The following SOX5 variants were observed in gnomAD, a reference collection of about 807,000 sequenced individuals.
SOX5 encodes the protein SRY-box transcription factor 5.
SOX5 carries 9 observed loss-of-function variants against 92.0 expected under a neutral mutation model. That is an observed-to-expected ratio of 0.10 (90% CI 0.06 to 0.17). SOX5 has a LOEUF of 0.17. SOX5 is among the 10% of genes least tolerant of loss of function. The pLI, the probability that SOX5 is intolerant of heterozygous loss-of-function variation, is 1.00. For synonymous variants in SOX5, 344 were observed against 336.3 expected (o/e 1.02, Z -0.25); for missense variants, 642 against 944.5 (o/e 0.68, Z 4.20).
chr12:24,518,831 T>G (rs1439697239), intron 1 of SOX5, among the ~76,000 whole-genome samples: 1 of 152,228 alleles, frequency 6.6e-6, no homozygotes, highest in Non-Finnish European at 1.5e-5. Flanking sequence ...ACCTGTAGGC[T>G]TTAAAAATCA....
intron 2 of SOX5, among the ~76,000 whole-genome samples, chr12:23,884,498 A>T (rs879685160): frequency 2.0e-5 from 3 of 152,222 alleles, no homozygotes; most frequent in Non-Finnish European, 2.9e-5. Context: ...CCAGCTAAAA[A>T]GATTTTAAAA....
intron 3 of SOX5, among the ~76,000 whole-genome samples, chr12:24,225,898 G>A (rs1339851931): frequency 6.6e-6 from 1 of 152,172 alleles, no homozygotes; most frequent in African/African-American, 2.4e-5. Context: ...GATGGTAGGA[G>A]AAAAGGAGAA....
intron 4 of SOX5, among the ~76,000 whole-genome samples, chr12:24,079,123 A>G (rs76481777): frequency 0.037 from 5,626 of 151,900 alleles, 136 homozygotes; most frequent in Admixed American, 0.057. Flanking sequence ...AAAATGATGA[A>G]AAGACATGGC....
chr12:24,530,697 T>C (rs1374320221), intron 1 of SOX5, among the ~76,000 whole-genome samples: 2 of 145,282 alleles, frequency 1.4e-5, no homozygotes, highest in Non-Finnish European at 1.5e-5. Flanking sequence ...TCGTATCTAA[T>C]ATGCAACTGC....
Position 23,543,421 on chromosome 12 carries a change from A to G in SOX5, c.1598-37T>C, listed in dbSNP as rs747041987. The G allele has an allele frequency of 7.1e-6, 11 of 1,548,410 alleles. No homozygotes were observed. The East Asian group carries it at 9.0e-5, about 13-fold the overall frequency. On this transcript the variant is annotated intron_variant, in intron 12 of 14. Coordinates refer to ENST00000451604, the MANE Select transcript of SOX5 (RefSeq NM_006940.6). ...AAACATCACTTCGTGTTAGCGTTAAAACTTTTGTCAGCTCTTTTCCTTGCA... is the reference window on the plus strand; with the variant it reads ...AAACATCACTTCGTGTTAGCGTTAAGACTTTTGTCAGCTCTTTTCCTTGCA...
At chr12:23,668,434 T>C (rs1349766914) in intron 6 of SOX5, among the ~76,000 whole-genome samples, 1 of 152,150 alleles carries the variant, frequency 6.6e-6, no homozygotes, top group Non-Finnish European at 1.5e-5. Context: ...TCTTGATGGA[T>C]TTTCACTGCA....
intron 3 of SOX5, among the ~76,000 whole-genome samples, chr12:24,257,061 C>CT (rs1486704486): frequency 6.6e-6 from 1 of 152,180 alleles, no homozygotes; most frequent in Non-Finnish European, 1.5e-5. Flanking sequence ...AGGGAAAGTA[C>CT]TTTCACAGGT....
intron 6 of SOX5, among the ~76,000 whole-genome samples, chr12:23,680,409 A>G (rs950314323): frequency 6.6e-6 from 1 of 151,774 alleles, no homozygotes; most frequent in African/African-American, 2.4e-5. Context: ...ACGTGATGAG[A>G]AATGTCACTA....
intron 1 of SOX5, among the ~76,000 whole-genome samples, chr12:24,534,027 C>G (rs1474320246): frequency 6.6e-6 from 1 of 152,008 alleles, no homozygotes; most frequent in African/African-American, 2.4e-5. Flanking sequence ...TTCCTACCCA[C>G]CAATCATTAT....
At chr12:24,053,423 C>T (rs1957781532) in intron 4 of SOX5, among the ~76,000 whole-genome samples, 1 of 152,002 alleles carries the variant, frequency 6.6e-6, no homozygotes, top group South Asian at 2.1e-4. Context: ...AGCTACCGCG[C>T]CTGGCCCCGT....
At chr12:23,924,159 A>G (rs77205252) in intron 1 of SOX5, among the ~76,000 whole-genome samples, 1,901 of 152,330 alleles carry the variant, frequency 0.012, 39 homozygotes, top group African/African-American at 0.042. Context: ...TAGACTAGCT[A>G]AGTGATCTTA....
At chr12:23,622,505 C>A (rs754104396) in intron 8 of SOX5, among the ~76,000 whole-genome samples, 2 of 143,936 alleles carry the variant, frequency 1.4e-5, no homozygotes, top group Non-Finnish European at 3.0e-5. Context: ...CAGATCTCAG[C>A]GAATTTGAAA....
At chr12:24,335,972 CATATATAT>C (rs57461232) in intron 2 of SOX5, among the ~76,000 whole-genome samples, 2 of 58,612 alleles carry the variant, frequency 3.4e-5, no homozygotes, top group Non-Finnish European at 6.1e-5. Context: ...GAAATGCTAT[CATATATAT>C]ATATATATCC....
chr12:23,583,513 C>G (rs556094320), intron 9 of SOX5, among the ~76,000 whole-genome samples: 1 of 152,104 alleles, frequency 6.6e-6, no homozygotes, highest in Admixed American at 6.6e-5. Context: ...GTTTCCAATT[C>G]AACTTTGTTT....
At chr12:23,576,550 T>G (rs983837954) in intron 9 of SOX5, among the ~76,000 whole-genome samples, 3 of 152,226 alleles carry the variant, frequency 2.0e-5, no homozygotes, top group Non-Finnish European at 4.4e-5. Context: ...TTTCAGTACC[T>G]GGTTTCTCTT....
intron 1 of SOX5, among the ~76,000 whole-genome samples, chr12:24,481,507 C>T (rs958574493): frequency 2.0e-4 from 31 of 152,122 alleles, no homozygotes; most frequent in African/African-American, 7.5e-4. Context: ...GCATTGCATG[C>T]TTGTATCGAA....
intron 4 of SOX5, among the ~76,000 whole-genome samples, chr12:23,980,270 GC>G (rs1205931452): frequency 1.3e-5 from 2 of 152,054 alleles, no homozygotes; most frequent in Non-Finnish European, 1.5e-5. Context: ...ACTGGAAGTA[GC>G]TTTTGCATAA....
In SOX5 at chr12:23,534,372, G is replaced by A. The variant is rs768184576; in HGVS notation, c.2139C>T (p.Tyr713=). ...TATGTGGCTCCTCTCCTTTCACACC[G>A]TAAGTGCTCTGGATAACAGGCATCC... ...EPGMPVIQST[Y]GVKGEEPHIK... Residue 713 remains tyrosine (Y), a synonymous_variant, in exon 15 of 15, where the codon TAC becomes TAT. Transcript: ENST00000451604. 8.7e-6 allele frequency: 14 copies of A among 1,613,894 alleles called. No individual in the cohort carries two copies. The highest frequency in any genetic ancestry group is 3.3e-5 in the South Asian group (3 of 91,078).
chr12:24,208,198 A>G (rs1218465166), intron 4 of SOX5, among the ~76,000 whole-genome samples: 1 of 152,166 alleles, frequency 6.6e-6, no homozygotes, highest in Non-Finnish European at 1.5e-5. Flanking sequence ...TTAGTATTCT[A>G]TCTTCCTTCT....
Sources: allele counts gnomAD v4.1 joint callset (sites outside exome capture counted in the v4.1 genomes callset), GRCh38; gene constraint gnomAD v4.1.1; transcripts MANE v1.5; gene names NCBI Gene and HGNC (gene_info 2026-07-23, HGNC 2026-07-21).